The following RAB40C variants were observed in gnomAD, a reference collection of about 807,000 sequenced individuals.
RAB40C encodes the protein ras-related protein Rab-40C.
RAB40C carries 8 observed loss-of-function variants against 28.1 expected under a neutral mutation model. The ratio of observed to expected loss-of-function variants is 0.28; its 90% CI spans 0.17 to 0.51. The LOEUF is 0.51. RAB40C is among the 20% of genes least tolerant of loss of function. The pLI is 0.97. For synonymous variants in RAB40C, 201 were observed against 171.7 expected (o/e 1.17, Z -1.34); for missense variants, 288 against 405.9 (o/e 0.71, Z 2.50).
intron 1 of RAB40C, among the ~76,000 whole-genome samples, chr16:605,825 G>A (rs1375948788): frequency 6.6e-6 from 1 of 152,292 alleles, no homozygotes; most frequent in Middle Eastern, 3.4e-3. Context: ...AAGCTGGGCT[G>A]TAGGGCCTGT....
chr16:614,405 C>T lies in RAB40C; in HGVS notation c.143-2803C>T, dbSNP rs1262861243. 1.0e-4 allele frequency among the ~76,000 whole-genome samples: 12 copies of T among 114,884 alleles called. No homozygotes were observed. The East Asian group carries it at 2.9e-3, about 27-fold the overall frequency. 75.4% of individuals were successfully genotyped at this position (114,884 alleles called of 152,430 possible). On this transcript the variant is annotated intron_variant, in intron 1 of 5. Transcript: ENST00000248139. ...ATGGTGAACTGCCTAAACCTCGTCC[C>T]GATGGTGAACTGCCTAACTCTACCG...
At position 609,064 on chromosome 16, in the gene RAB40C, T is replaced by C. The variant is rs2036426302; in HGVS notation, c.143-8144T>C. On this transcript the variant is annotated intron_variant, in intron 1 of 5. Coordinates refer to ENST00000248139, the MANE Select transcript of RAB40C (RefSeq NM_021168.5). ...TAGGAGTTGGAGGCTGCAGTGAGCC[T>C]TGGCCTCACCACTGCACTCCAGCCT... Among the ~76,000 whole-genome samples the C allele has an allele frequency of 2.0e-5, 3 of 152,128 alleles. No individual in the cohort carries two copies. The South Asian group carries it at 6.2e-4, about 32-fold the overall frequency.
chr16:601,199 G>C (rs932217014), intron 1 of RAB40C, among the ~76,000 whole-genome samples: 24 of 152,124 alleles, frequency 1.6e-4, no homozygotes, highest in Admixed American at 1.4e-3. Flanking sequence ...AAAAATTGTA[G>C]TACCAAAAAC....
intron 1 of RAB40C, among the ~76,000 whole-genome samples, chr16:592,316 C>T (rs945582856): frequency 6.6e-6 from 1 of 152,182 alleles, no homozygotes; most frequent in Admixed American, 6.5e-5. Context: ...GTTGGCAGAG[C>T]GTGGGATTAC....
intron 1 of RAB40C, among the ~76,000 whole-genome samples, chr16:605,877 T>C (rs1207503533): frequency 1.3e-5 from 2 of 152,224 alleles, no homozygotes; most frequent in Non-Finnish European, 2.9e-5. Flanking sequence ...TCACACAGTT[T>C]CTGTCCCACA....
chr16:614,999 G>A (rs542735342), intron 1 of RAB40C, among the ~76,000 whole-genome samples: 1 of 152,224 alleles, frequency 6.6e-6, no homozygotes, highest in African/African-American at 2.4e-5. Flanking sequence ...GCTCACAGCC[G>A]TGGCCCTTTT....
intron 1 of RAB40C, among the ~76,000 whole-genome samples, chr16:592,481 A>G (rs1193597841): frequency 3.3e-5 from 5 of 151,964 alleles, no homozygotes; most frequent in Non-Finnish European, 2.9e-5. Flanking sequence ...GAGGTGGGGG[A>G]AGTGTAAGGC....
chr16:603,274 C>G (rs899223520), intron 1 of RAB40C, among the ~76,000 whole-genome samples: 1 of 152,220 alleles, frequency 6.6e-6, no homozygotes, highest in Non-Finnish European at 1.5e-5. Context: ...ATTTGGCATG[C>G]TGGTGTACAC....
chr16:610,703 A>G lies in RAB40C; in HGVS notation c.143-6505A>G, dbSNP rs1596407347. Among the ~76,000 whole-genome samples the G allele has an allele frequency of 6.6e-6, 1 of 151,780 alleles. No homozygotes were observed. Among genetic ancestry groups the G allele is most frequent in the South Asian group, 2.1e-4 (1 of 4,808 alleles). On this transcript the variant is annotated intron_variant, in intron 1 of 5. Coordinates refer to ENST00000248139, the MANE Select transcript of RAB40C (RefSeq NM_021168.5). The surrounding 1 kb of genome is among the most constrained non-coding windows in gnomAD (Gnocchi z 4.6). ...GCGGGCTCCAGGCCTCTCCTGGGTCACTGCTCTGTGCCTCCAGGAGCTCCT... is the reference window on the plus strand; with the variant it reads ...GCGGGCTCCAGGCCTCTCCTGGGTCGCTGCTCTGTGCCTCCAGGAGCTCCT...
chr16:625,036 G>A, intron 3 of RAB40C: 1 of 1,293,120 alleles, frequency 7.7e-7, no homozygotes, highest in Non-Finnish European at 1.0e-6. Context: ...CCCCCACTCA[G>A]CTCTGTCCCA....
rs140930093 is a variant in RAB40C, at chr16:610,362, AC to A, written c.143-6844del. Among the ~76,000 whole-genome samples, 27,024 of 151,804 alleles carry A rather than the reference AC, an allele frequency of 0.18. 2,607 individuals are homozygous for A. The highest frequency in any genetic ancestry group is 0.26 in the South Asian group (1,223 of 4,788). ...ACAAGAGGGTTATTGGGAACAGTAAACCTGAGGTGGTGAGCAAGGCCTGTGG... is the reference window on the plus strand; with the variant it reads ...ACAAGAGGGTTATTGGGAACAGTAAACTGAGGTGGTGAGCAAGGCCTGTGG... On this transcript the variant is annotated intron_variant, in intron 1 of 5. Transcript: ENST00000248139. The surrounding 1 kb of genome is among the most constrained non-coding windows in gnomAD (Gnocchi z 4.6).
Position 625,964 on chromosome 16 carries a change from C to T in RAB40C, c.408C>T (p.Val136=), listed in dbSNP as rs868476469. ...TGCACCTGGCCTTCAAGCGGCAGGTCCCGACGGAGCAGGCCCGCGCGTACG... is the reference window on the plus strand; with the variant it reads ...TGCACCTGGCCTTCAAGCGGCAGGTTCCGACGGAGCAGGCCCGCGCGTACG... ...NRLHLAFKRQ[V]PTEQARAYAE... Residue 136 remains valine, a synonymous_variant, in exon 5 of 6, where the codon GTC becomes GTT. Transcript: ENST00000248139. 4 of 1,613,058 alleles carry T rather than the reference C, an allele frequency of 2.5e-6. No homozygotes were observed. The highest frequency in any genetic ancestry group is 4.5e-5 in the East Asian group (2 of 44,870).
At chr16:598,605 G>C (rs559498400) in intron 1 of RAB40C, among the ~76,000 whole-genome samples, 3 of 151,842 alleles carry the variant, frequency 2.0e-5, no homozygotes, top group Admixed American at 2.0e-4. Context: ...AGCTGGGTGT[G>C]GTGGTGCACG....
rs574577493 is a variant in RAB40C at position 627,472 on chromosome 16, C to T, written c.696C>T (p.Asn232=). The change falls in exon 6 of 6, where the codon AAC becomes AAT. Residue 232 remains asparagine (N), a synonymous_variant. Coordinates refer to ENST00000248139, the MANE Select transcript of RAB40C (RefSeq NM_021168.5). The stretch of plus-strand genomic sequence containing the variant: ...CCTTCTCGATGGCCAACGGCATGAA[C>T]GCGGTCATGATGCACGGCCGTTCCT... ...LKSFSMANGM[N]AVMMHGRSYS... 76 of 1,614,004 alleles carry T rather than the reference C, an allele frequency of 4.7e-5. 1 individual carries two copies. In the African/African-American group the frequency reaches 7.6e-4, roughly 16 times the overall value.
chr16:596,102 T>C (rs549501669), intron 1 of RAB40C, among the ~76,000 whole-genome samples: 1 of 152,390 alleles, frequency 6.6e-6, no homozygotes, highest in South Asian at 2.1e-4. Context: ...AATGCTTGCA[T>C]GGCAGGTGCA....
intron 3 of RAB40C, among the ~76,000 whole-genome samples, chr16:619,026 G>A (rs1212497911): frequency 3.1e-5 from 4 of 127,084 alleles, no homozygotes; most frequent in Non-Finnish European, 6.6e-5. Flanking sequence ...GTGTGCAGGT[G>A]TGGTGTACTT....
chr16:601,588 G>T (rs1378104136), intron 1 of RAB40C, among the ~76,000 whole-genome samples: 1 of 152,118 alleles, frequency 6.6e-6, no homozygotes, highest in African/African-American at 2.4e-5. Flanking sequence ...GGCCATGCAT[G>T]CAGTGTTCAG....
At chr16:620,085 G>A (rs922278317) in intron 3 of RAB40C, among the ~76,000 whole-genome samples, 1 of 152,196 alleles carries the variant, frequency 6.6e-6, no homozygotes, top group East Asian at 1.9e-4. Flanking sequence ...CATTCCATGG[G>A]CCCTGCCTGC....
chr16:600,792 CACAG>C (rs1345032339), intron 1 of RAB40C, among the ~76,000 whole-genome samples: 9 of 152,222 alleles, frequency 5.9e-5, no homozygotes, highest in Admixed American at 5.2e-4. Flanking sequence ...ACGTGCGTCA[CACAG>C]ACAGTTTAAC....
Sources: allele counts gnomAD v4.1 joint callset (sites outside exome capture counted in the v4.1 genomes callset), GRCh38; gene constraint gnomAD v4.1.1; non-coding constraint Gnocchi (gnomAD v3.1); transcripts MANE v1.5; gene names NCBI Gene and HGNC (gene_info 2026-07-23, HGNC 2026-07-21).